DLC1: variants seen among roughly 807,000 people sequenced by gnomAD.
DLC1 encodes the protein DLC1 Rho GTPase activating protein, also known as rho GTPase-activating protein 7.
In DLC1, 54 loss-of-function variants were observed where a neutral mutation model predicts 140.3. The ratio of observed to expected loss-of-function variants is 0.38; its 90% CI spans 0.31 to 0.48. The LOEUF (loss-of-function observed/expected upper bound fraction) is 0.48, where lower values mean the gene tolerates loss of function less well. DLC1 is among the 20% of genes least tolerant of loss of function. The probability of loss-of-function intolerance (pLI) is 0.96; values close to 1 mark genes in which losing one functional copy is unlikely to be tolerated. For synonymous variants in DLC1, 986 were observed against 728.1 expected (o/e 1.35, Z -5.70); for missense variants, 2,536 against 1,907.0 (o/e 1.33, Z -6.14).
Position 13,574,227 on chromosome 8 carries a change from A to G in DLC1, c.-126+30310T>C, listed in dbSNP as rs947166837. Among the ~76,000 whole-genome samples the G allele has an allele frequency of 2.0e-5, 3 of 152,154 alleles. No homozygotes were observed. In the South Asian group the frequency reaches 6.2e-4, roughly 32 times the overall value. ...TTAGCGTAAAGCTTTTTAATAAGAG[A>G]TCCTTCCAGGAAGTATGCATTTTTC... On this transcript the variant is annotated intron_variant, in intron 1 of 1. Coordinates refer to the DLC1 transcript ENST00000631382.
intron 1 of DLC1, among the ~76,000 whole-genome samples, chr8:13,530,148 A>G (rs930869510): frequency 1.6e-4 from 24 of 152,178 alleles, no homozygotes; most frequent in African/African-American, 5.6e-4. Flanking sequence ...ATGGAAGGCA[A>G]AAGTCAAAAA....
In DLC1 at chr8:13,372,562, C is replaced by T. The variant is rs77089246; in HGVS notation, c.1314+20991G>A. On this transcript the variant is annotated intron_variant, in intron 4 of 17. Transcript: ENST00000276297. ...GTTTGCATTCATCACTGATGAAACA[C>T]TGGGGCTGACTTGCTGACATCTGAG... 1.1e-3 allele frequency among the ~76,000 whole-genome samples: 169 copies of T among 152,276 alleles called. 1 individual carries two copies. Among genetic ancestry groups the T allele is most frequent in the Non-Finnish European group, 1.9e-3 (130 of 68,028 alleles).
intron 1 of DLC1, among the ~76,000 whole-genome samples, chr8:13,561,678 T>C (rs1378505426): frequency 1.3e-5 from 2 of 152,206 alleles, no homozygotes; most frequent in African/African-American, 2.4e-5. Flanking sequence ...TTTGCAATAA[T>C]AGCAGTTTAC....
chr8:13,272,715 A>G (rs1286555897), intron 5 of DLC1, among the ~76,000 whole-genome samples: 1 of 149,038 alleles, frequency 6.7e-6, no homozygotes, highest in East Asian at 2.0e-4. Flanking sequence ...CAAAAAATAG[A>G]AAAAAAAAAT....
Position 13,084,292 on chromosome 8 carries a change from C to G in DLC1, c.*1519G>C, listed in dbSNP as rs1648055312. On this transcript the variant is annotated 3_prime_UTR_variant, in exon 18 of 18. Transcript: ENST00000276297. ...TCCAAAATACTCAAATTTTAAAACTCTAATCTGATGCCCTGCCCCAAAATT... is the reference window on the plus strand; with the variant it reads ...TCCAAAATACTCAAATTTTAAAACTGTAATCTGATGCCCTGCCCCAAAATT... 6.6e-6 allele frequency: 1 copy of G among 152,564 alleles called. No homozygotes were observed. The highest frequency in any genetic ancestry group is 1.5e-5 in the Non-Finnish European group (1 of 68,004). 9.5% of individuals were successfully genotyped at this position (152,564 alleles called of 1,614,324 possible). A position where few individuals can be genotyped will look rare whatever the true frequency, so the allele number is the denominator to read the frequency against.
intron 5 of DLC1, among the ~76,000 whole-genome samples, chr8:13,167,694 A>G (rs1404154475): frequency 3.9e-5 from 6 of 152,180 alleles, no homozygotes; most frequent in Admixed American, 1.3e-4. Flanking sequence ...TCTAATAACA[A>G]TTCTCATTGG....
At chr8:13,527,343 A>T (rs1469536639) in intron 1 of DLC1, among the ~76,000 whole-genome samples, 2 of 152,202 alleles carry the variant, frequency 1.3e-5, no homozygotes, top group Non-Finnish European at 2.9e-5. Flanking sequence ...TTTCTCTTTT[A>T]GTCAGCATGA....
chr8:13,574,804 T>C (rs1804779335), intron 1 of DLC1, among the ~76,000 whole-genome samples: 1 of 152,150 alleles, frequency 6.6e-6, no homozygotes, highest in Non-Finnish European at 1.5e-5. Flanking sequence ...GTCATTCAAA[T>C]TCCAGCCTCA....
At chr8:13,500,619 C>T (rs1801770335) in intron 1 of DLC1, among the ~76,000 whole-genome samples, 1 of 152,182 alleles carries the variant, frequency 6.6e-6, no homozygotes, top group African/African-American at 2.4e-5. Context: ...GTTTGAATCA[C>T]AGCGAAAGCC....
intron 1 of DLC1, among the ~76,000 whole-genome samples, chr8:13,593,479 A>T (rs374699455): frequency 2.6e-5 from 4 of 152,102 alleles, no homozygotes; most frequent in East Asian, 1.9e-4. Context: ...CTTAAGATTC[A>T]ATTCACGCTT....
At chr8:13,429,598 G>C (rs1187256383) in intron 2 of DLC1, among the ~76,000 whole-genome samples, 1 of 152,170 alleles carries the variant, frequency 6.6e-6, no homozygotes, top group Non-Finnish European at 1.5e-5. Context: ...AAGCAAAAAA[G>C]GGAAAGTTTT....
rs374272754 is a variant in DLC1, at chr8:13,305,374, G to A, written c.1315-72C>T. On this transcript the variant is annotated intron_variant, in intron 4 of 17. Transcript: ENST00000276297. The stretch of plus-strand genomic sequence containing the variant: ...CAGAAAGCATCATTAGAAATAAAAC[G>A]AAGTGTAATTAATGACGCAAAAATT... The A allele has an allele frequency of 1.9e-5, 27 of 1,452,672 alleles. No homozygotes were observed. The Admixed American group carries it at 3.6e-4, about 20-fold the overall frequency. 90.0% of individuals were successfully genotyped at this position (1,452,672 alleles called of 1,614,324 possible).
intron 1 of DLC1, among the ~76,000 whole-genome samples, chr8:13,569,121 C>A (rs1043563725): frequency 2.0e-5 from 3 of 152,164 alleles, no homozygotes; most frequent in African/African-American, 7.2e-5. Context: ...TTTGAAAACA[C>A]ATTTATGGAG....
chr8:13,229,631 G>A (rs1366288609), intron 5 of DLC1, among the ~76,000 whole-genome samples: 1 of 151,574 alleles, frequency 6.6e-6, no homozygotes, highest in Admixed American at 6.6e-5. Context: ...AGGAAGGAGA[G>A]AAGAAGGAAG....
intron 5 of DLC1, among the ~76,000 whole-genome samples, chr8:13,166,067 T>G (rs1455654462): frequency 6.6e-6 from 1 of 152,150 alleles, no homozygotes; most frequent in Non-Finnish European, 1.5e-5. Context: ...CTATTCCCAA[T>G]GAAGCTCACC....
rs193040089 is a variant in DLC1 at position 13,275,050 on chromosome 8, A to G, written c.1348+30219T>C. 2.2e-3 allele frequency among the ~76,000 whole-genome samples: 336 copies of G among 152,330 alleles called. 3 individuals carry two copies. The highest frequency in any genetic ancestry group is 7.9e-3 in the African/African-American group (330 of 41,574). On this transcript the variant is annotated intron_variant, in intron 5 of 17. Coordinates refer to ENST00000276297, the MANE Select transcript of DLC1 (RefSeq NM_182643.3). ...CCACATTTTCCTCTAAACAATAATA[A>G]AATGGTTAAATTTAAAATATTTTGC...
intron 1 of DLC1, chr8:13,568,136 T>C: frequency 1.5e-6 from 1 of 664,076 alleles, no homozygotes; most frequent in Non-Finnish European, 2.4e-6. Flanking sequence ...TTTACAAAAT[T>C]CCAAGAGAAC....
intron 5 of DLC1, among the ~76,000 whole-genome samples, chr8:13,124,239 C>A (rs563682929): frequency 1.1e-4 from 17 of 152,232 alleles, no homozygotes; most frequent in Non-Finnish European, 1.8e-4. Context: ...GGTGTCCCTT[C>A]TCGCTAGTGG....
intron 5 of DLC1, among the ~76,000 whole-genome samples, chr8:13,124,425 T>A (rs1378060926): frequency 6.6e-6 from 1 of 152,130 alleles, no homozygotes; most frequent in Non-Finnish European, 1.5e-5. Flanking sequence ...TTTACTACAA[T>A]ACAGACCAAA....
Sources: gnomAD v4.1 joint callset for allele counts (sites outside exome capture counted in the v4.1 genomes callset) on GRCh38, gnomAD v4.1.1 for gene constraint, MANE v1.5 for transcripts, NCBI Gene and HGNC (gene_info 2026-07-23, HGNC 2026-07-21) for gene names.